Variants in GRIK4 observed in about 807,000 individuals in gnomAD.
GRIK4 encodes glutamate ionotropic receptor kainate type subunit 4, also known as glutamate receptor ionotropic, kainate 4.
GRIK4 carries 40 observed loss-of-function variants against 104.9 expected under a neutral mutation model. That is an observed-to-expected ratio of 0.38 (90% CI 0.30 to 0.50). GRIK4 has a LOEUF of 0.50. GRIK4 is among the 20% of genes least tolerant of loss of function. The pLI is 0.93. For missense variants in GRIK4, 1,047 were observed against 1,308.1 expected, an observed-to-expected ratio of 0.80 and a Z score of 3.08; for synonymous variants, 485 against 524.9, an observed-to-expected ratio of 0.92 and a Z score of 1.04.
Position 120,633,825 on chromosome 11 carries a change from A to G in GRIK4, c.-158-19860A>G, listed in dbSNP as rs116939981. Among the ~76,000 whole-genome samples the G allele has an allele frequency of 3.5e-3, 535 of 152,226 alleles. 2 individuals carry two copies. Among genetic ancestry groups the G allele is most frequent in the Admixed American group, 6.1e-3 (94 of 15,296 alleles). ...AGGCAGAAGGGAAGTGTGGCTGGGC[A>G]TGGAGATTTTTTGAGATAAGGGCCC... is the stretch of plus-strand genomic sequence containing the variant. On this transcript the variant is annotated intron_variant, in intron 1 of 20. Transcript: ENST00000527524.
chr11:120,970,602 C>T (rs1289246653), intron 19 of GRIK4, among the ~76,000 whole-genome samples: 1 of 152,010 alleles, frequency 6.6e-6, no homozygotes, highest in East Asian at 1.9e-4. Context: ...GCATCTCCTG[C>T]TCATTCTTGT....
Position 120,603,873 on chromosome 11 carries a change from G to C in GRIK4, c.-158-49812G>C, listed in dbSNP as rs11601661. ...ATGCATAGGGCAGCCCTGCCACAAA[G>C]AATGATCTAGCCCCTGGCCGGGTGC... On this transcript the variant is annotated intron_variant, in intron 1 of 20. Transcript: ENST00000527524. 6.0e-3 allele frequency among the ~76,000 whole-genome samples: 912 copies of C among 152,176 alleles called. 4 individuals carry two copies. The highest frequency in any genetic ancestry group is 0.02 in the African/African-American group (850 of 41,536).
At chr11:120,874,019 C>T (rs778867318) in intron 9 of GRIK4, 47 bp from the exon 10 acceptor site, 7 of 1,556,206 alleles carry the variant, frequency 4.5e-6, no homozygotes, top group Non-Finnish European at 6.2e-6. Context: ...CTTTCTTCCT[C>T]TACACCTCTC....
At chr11:120,639,531 CCT>C (rs1183739687) in intron 1 of GRIK4, among the ~76,000 whole-genome samples, 1 of 152,184 alleles carries the variant, frequency 6.6e-6, no homozygotes, top group Non-Finnish European at 1.5e-5. Flanking sequence ...GGGGTCGGCC[CCT>C]GTCTCAGTAA....
At chr11:120,793,058 T>C (rs1275013704) in intron 3 of GRIK4, among the ~76,000 whole-genome samples, 3 of 152,136 alleles carry the variant, frequency 2.0e-5, no homozygotes, top group African/African-American at 7.2e-5. Context: ...TATATGCTCT[T>C]CTTAGGACAG....
chr11:120,960,300 G>C (rs1035575592), intron 16 of GRIK4, among the ~76,000 whole-genome samples: 1 of 152,184 alleles, frequency 6.6e-6, no homozygotes, highest in Non-Finnish European at 1.5e-5. Context: ...CTGCACTCCA[G>C]CCTGGCAACA....
intron 3 of GRIK4, among the ~76,000 whole-genome samples, chr11:120,707,652 T>C: frequency 6.6e-6 from 1 of 152,154 alleles, no homozygotes; most frequent in East Asian, 1.9e-4. Flanking sequence ...TGGGCAAGGC[T>C]CAGTAGGGAA....
At chr11:120,647,469 A>T (rs1949559136) in intron 1 of GRIK4, among the ~76,000 whole-genome samples, 1 of 152,222 alleles carries the variant, frequency 6.6e-6, no homozygotes, top group Non-Finnish European at 1.5e-5. Flanking sequence ...CAAACTCCTT[A>T]ACCATGGCAT....
intron 1 of GRIK4, among the ~76,000 whole-genome samples, chr11:120,639,189 C>T (rs1248884341): frequency 1.3e-5 from 2 of 151,828 alleles, no homozygotes; most frequent in African/African-American, 4.8e-5. Flanking sequence ...AGTGAAACTC[C>T]ATCTCAAAAA....
In GRIK4 at chr11:120,711,007, G is replaced by GGGT. The variant is rs762944200; in HGVS notation, c.82+50607_82+50608insGGT. Among the ~76,000 whole-genome samples the GGGT allele has an allele frequency of 3.0e-3, 447 of 149,050 alleles. 31 individuals are homozygous for GGGT. Among genetic ancestry groups the GGGT allele is most frequent in the African/African-American group, 0.011 (416 of 39,354 alleles). On this transcript the variant is annotated intron_variant, in intron 3 of 20. Transcript: ENST00000527524. ...CTTGCCCCTGTGAGGTGGGGAGGGG[G>GGGT]TGTGAGCAGCTGCAGGGCCCTGCTC...
chr11:120,606,068 G>T (rs547891017), intron 1 of GRIK4, among the ~76,000 whole-genome samples: 1 of 152,292 alleles, frequency 6.6e-6, no homozygotes, highest in South Asian at 2.1e-4. Context: ...AAGTTCATCT[G>T]CTTGGTGCTT....
intron 9 of GRIK4, chr11:120,868,540 G>C (rs982805858): frequency 2.0e-5 from 3 of 151,922 alleles, no homozygotes; most frequent in South Asian, 2.1e-4. Flanking sequence ...TGGGGGGGGG[G>C]GCGGTGCCTC....
intron 3 of GRIK4, among the ~76,000 whole-genome samples, chr11:120,696,656 C>T (rs1030241192): frequency 5.9e-5 from 9 of 151,832 alleles, no homozygotes; most frequent in Non-Finnish European, 1.0e-4. Context: ...GAAAGGGGGA[C>T]CTGGAGGAAG....
chr11:120,580,750 A>G (rs1196565850), intron 1 of GRIK4, among the ~76,000 whole-genome samples: 1 of 152,034 alleles, frequency 6.6e-6, no homozygotes, highest in Admixed American at 6.6e-5. Context: ...ACAGACATTG[A>G]TGTGAACCTA....
At chr11:120,969,910 A>T (rs1308527297) in intron 19 of GRIK4, among the ~76,000 whole-genome samples, 1 of 152,120 alleles carries the variant, frequency 6.6e-6, no homozygotes, top group Non-Finnish European at 1.5e-5. Flanking sequence ...CAGTGGGTTG[A>T]GGGCCTTCTG....
intron 3 of GRIK4, among the ~76,000 whole-genome samples, chr11:120,663,977 T>C (rs1387812219): frequency 6.6e-6 from 1 of 152,236 alleles, no homozygotes; most frequent in African/African-American, 2.4e-5. Flanking sequence ...TGTTATATTC[T>C]AAAGATTATG....
intron 9 of GRIK4, chr11:120,862,433 C>T (rs189295118): frequency 9.4e-5 from 26 of 276,428 alleles, no homozygotes; most frequent in African/African-American, 4.4e-4. Flanking sequence ...ATCCAAGAAT[C>T]GGTTGGAAGG....
At position 120,985,950 on chromosome 11, in the gene GRIK4, T is replaced by A. The variant is rs1944736479; in HGVS notation, c.2561T>A (p.Leu854Gln). 6.5e-7 allele frequency: 1 copy of A among 1,549,014 alleles called. No individual in the cohort carries two copies. The highest frequency in any genetic ancestry group is 1.7e-4 in the Middle Eastern group (1 of 5,934). ...EMVTELRSII[L>Q]CQDSIHPRRR... is the part of the protein sequence containing the mutation. ...GTGACCGAGCTGCGCAGCATTATCCTGTGTCAGGACAGTATCCACCCCCGC... is the reference window on the plus strand; with the variant it reads ...GTGACCGAGCTGCGCAGCATTATCCAGTGTCAGGACAGTATCCACCCCCGC... The change falls in exon 21 of 21, where the codon CTG (leucine) becomes CAG (glutamine). Residue 854 changes from leucine to glutamine, a missense_variant. Physicochemically the swap from Leu to Gln is moderately radical, Grantham distance 113 (BLOSUM62 -2). This residue lies in a region of GRIK4 where 440 missense variants were observed against 652.3 expected (regional missense o/e 0.67). Transcript: ENST00000527524.
At chr11:120,723,440 G>T (rs1565315295) in intron 3 of GRIK4, among the ~76,000 whole-genome samples, 1 of 152,190 alleles carries the variant, frequency 6.6e-6, no homozygotes, top group Non-Finnish European at 1.5e-5. Context: ...GCAACACCAG[G>T]ACCCAGAAGC....
Sources: allele counts gnomAD v4.1 joint callset (sites outside exome capture counted in the v4.1 genomes callset), GRCh38; gene constraint gnomAD v4.1.1; regional missense constraint gnomAD v4.1.1; transcripts MANE v1.5; gene names NCBI Gene and HGNC (gene_info 2026-07-23, HGNC 2026-07-21).